Variants in NKAIN2 observed in about 807,000 individuals in gnomAD.
The protein encoded by NKAIN2 is sodium/potassium-transporting ATPase subunit beta-1-interacting protein 2.
Under a neutral mutation model 32.6 loss-of-function variants are expected in NKAIN2, and 14 were observed. That is an observed-to-expected ratio of 0.43 (90% CI 0.28 to 0.67). The LOEUF is 0.67. Ranked by LOEUF, NKAIN2 falls within the 30% of genes least tolerant of loss-of-function variation. The pLI is 0.17. For synonymous variants in NKAIN2, 80 were observed against 87.2 expected (o/e 0.92, Z 0.46); for missense variants, 198 against 258.3 (o/e 0.77, Z 1.60).
chr6:123,955,321 A>G (rs183325108), intron 1 of NKAIN2, among the ~76,000 whole-genome samples: 2 of 152,128 alleles, frequency 1.3e-5, no homozygotes, highest in Admixed American at 1.3e-4. Flanking sequence ...GCTGATCATG[A>G]TGCCACAGAC....
intron 3 of NKAIN2, among the ~76,000 whole-genome samples, chr6:124,378,411 C>T (rs893350855): frequency 6.6e-6 from 1 of 152,112 alleles, no homozygotes; most frequent in Admixed American, 6.6e-5. Context: ...GGGTTTTATA[C>T]CCTATGGGCA....
chr6:124,155,165 G>T (rs1050590779), intron 1 of NKAIN2, among the ~76,000 whole-genome samples: 1 of 152,018 alleles, frequency 6.6e-6, no homozygotes, highest in Non-Finnish European at 1.5e-5. Flanking sequence ...CATCAAGCAT[G>T]GTATCTGGAT....
At chr6:124,492,292 T>C (rs551077745) in intron 3 of NKAIN2, among the ~76,000 whole-genome samples, 7 of 152,200 alleles carry the variant, frequency 4.6e-5, no homozygotes, top group South Asian at 2.1e-4. Flanking sequence ...CATATGCCTA[T>C]TGAAAACAAC....
intron 3 of NKAIN2, among the ~76,000 whole-genome samples, chr6:124,615,873 A>G (rs1053826231): frequency 6.6e-6 from 1 of 152,028 alleles, no homozygotes. Context: ...TCAATCTGCT[A>G]TTGTGTTCAG....
intron 3 of NKAIN2, among the ~76,000 whole-genome samples, chr6:124,503,296 G>T (rs1004691168): frequency 5.9e-5 from 9 of 152,072 alleles, no homozygotes; most frequent in African/African-American, 2.2e-4. Context: ...TCTAATTCAA[G>T]ACTACTACTT....
At chr6:124,421,755 A>G (rs1280745321) in intron 3 of NKAIN2, among the ~76,000 whole-genome samples, 2 of 152,146 alleles carry the variant, frequency 1.3e-5, no homozygotes, top group Non-Finnish European at 2.9e-5. Flanking sequence ...GGGTTATTTT[A>G]TTAAGGTTTG....
intron 2 of NKAIN2, among the ~76,000 whole-genome samples, chr6:124,326,062 TTTTTTAC>T (rs1255722501): frequency 2.0e-5 from 3 of 151,826 alleles, no homozygotes; most frequent in Non-Finnish European, 4.4e-5. Flanking sequence ...TTTTTCAAAT[TTTTTTAC>T]TTCTTTTGTT....
chr6:123,961,436 T>G (rs770955434), intron 1 of NKAIN2, among the ~76,000 whole-genome samples: 1 of 152,244 alleles, frequency 6.6e-6, no homozygotes, highest in Non-Finnish European at 1.5e-5. Flanking sequence ...TTATTATTGG[T>G]ATTTTTCAGC....
chr6:124,364,768 C>A (rs1384499708), intron 3 of NKAIN2, among the ~76,000 whole-genome samples: 1 of 151,294 alleles, frequency 6.6e-6, no homozygotes, highest in Non-Finnish European at 1.5e-5. Context: ...AAAAAACACC[C>A]CAGAGAGAAA....
intron 3 of NKAIN2, among the ~76,000 whole-genome samples, chr6:124,608,177 C>A (rs1562281778): frequency 6.6e-6 from 1 of 152,096 alleles, no homozygotes; most frequent in East Asian, 1.9e-4. Context: ...ACCAAATGAA[C>A]CAAACTTTTT....
chr6:123,995,253 C>T lies in NKAIN2; in HGVS notation c.54+190999C>T, dbSNP rs373099597. Among the ~76,000 whole-genome samples the T allele has an allele frequency of 2.1e-4, 32 of 152,214 alleles. No homozygotes were observed. The East Asian group carries it at 6.2e-3, about 29-fold the overall frequency. Reference sequence around the variant, plus strand: ...ATAGACATCAAGGATGAGGACGAGCCTTGTTGGTGACAAAAGGTGACAAGG... The same window carrying T: ...ATAGACATCAAGGATGAGGACGAGCTTTGTTGGTGACAAAAGGTGACAAGG... On this transcript the variant is annotated intron_variant, in intron 1 of 6. Coordinates refer to ENST00000368417, the MANE Select transcript of NKAIN2 (RefSeq NM_001040214.3).
chr6:124,091,981 C>G (rs1473681931), intron 1 of NKAIN2, among the ~76,000 whole-genome samples: 1 of 152,016 alleles, frequency 6.6e-6, no homozygotes, highest in Non-Finnish European at 1.5e-5. Context: ...CTCATCTTTG[C>G]CTTTTAGTTT....
intron 3 of NKAIN2, among the ~76,000 whole-genome samples, chr6:124,379,234 A>AGGAGGAGGGAGGGAGGGGAGGGGGGGG (rs1583157781): frequency 9.4e-5 from 1 of 10,596 alleles, no homozygotes; most frequent in Non-Finnish European, 2.0e-4. Context: ...AGAGGGGAGG[A>AGGAGGAGGGAGGGAGGGGAGGGGGGGG]AGGAGAGAAG....
chr6:124,780,959 C>A (rs1014778996), intron 4 of NKAIN2, among the ~76,000 whole-genome samples: 1 of 152,176 alleles, frequency 6.6e-6, no homozygotes, highest in Non-Finnish European at 1.5e-5. Flanking sequence ...GTATTAAACT[C>A]CTCTGTGATT....
chr6:124,212,743 G>A (rs1791255537), intron 1 of NKAIN2, among the ~76,000 whole-genome samples: 1 of 151,990 alleles, frequency 6.6e-6, no homozygotes, highest in Non-Finnish European at 1.5e-5. Context: ...TATGCAAAGA[G>A]AGGCATTGGT....
intron 3 of NKAIN2, among the ~76,000 whole-genome samples, chr6:124,575,541 C>T (rs967674606): frequency 5.3e-5 from 8 of 152,166 alleles, no homozygotes; most frequent in Non-Finnish European, 1.0e-4. Flanking sequence ...AAATTTCTGC[C>T]ACCCTGCTTC....
intron 3 of NKAIN2, among the ~76,000 whole-genome samples, chr6:124,522,213 A>G (rs1417568220): frequency 6.6e-6 from 1 of 152,108 alleles, no homozygotes; most frequent in African/African-American, 2.4e-5. Context: ...GTAAAGTTAT[A>G]TTCTATTCTC....
chr6:123,890,358 G>A (rs1292883962), intron 1 of NKAIN2, among the ~76,000 whole-genome samples: 1 of 151,772 alleles, frequency 6.6e-6, no homozygotes, highest in Non-Finnish European at 1.5e-5. Flanking sequence ...GGATGAGGTG[G>A]AAGGAAAAAA....
chr6:124,033,856 C>T lies in NKAIN2; in HGVS notation c.54+229602C>T, dbSNP rs181286839. 2.4e-3 allele frequency among the ~76,000 whole-genome samples: 363 copies of T among 152,160 alleles called. 2 individuals are homozygous for T. Among genetic ancestry groups the T allele is most frequent in the African/African-American group, 8.3e-3 (344 of 41,538 alleles). ...TAATAGTAACATTAAAGGAGAGGAA[C>T]ATATTTTCTAGTTTAATTACATATA... On this transcript the variant is annotated intron_variant, in intron 1 of 6. Transcript: ENST00000368417.
Sources: gnomAD v4.1 joint callset for allele counts (sites outside exome capture counted in the v4.1 genomes callset) on GRCh38, gnomAD v4.1.1 for gene constraint, MANE v1.5 for transcripts, NCBI Gene and HGNC (gene_info 2026-07-23, HGNC 2026-07-21) for gene names.